Variants in CD163 observed in about 807,000 individuals in gnomAD.
The protein encoded by CD163 is CD163 molecule, also known as scavenger receptor cysteine-rich type 1 protein M130.
A neutral mutation model predicts 129.2 loss-of-function variants in CD163; 64 were observed. The observed-to-expected ratio is 0.50, with a 90% confidence interval of 0.41 to 0.61. CD163 has a LOEUF of 0.61. CD163 is among the 20% of genes least tolerant of loss of function. The pLI is 0.00. For missense variants in CD163, 1,061 were observed against 1,377.9 expected, an observed-to-expected ratio of 0.77 and a Z score of 3.64; for synonymous variants, 446 against 478.5, an observed-to-expected ratio of 0.93 and a Z score of 0.89.
chr12:7,488,144 T>C (rs1949282739), intron 6 of CD163, 57 bp from the exon 7 acceptor site: 4 of 1,493,686 alleles, frequency 2.7e-6, no homozygotes, highest in Non-Finnish European at 3.6e-6. Flanking sequence ...TTTCCATTCA[T>C]GATGAGGGTG....
At chr12:7,503,476 C>T (rs1949520952) in intron 1 of CD163, among the ~76,000 whole-genome samples, 169 bp downstream of exon 1, 1 of 152,190 alleles carries the variant, frequency 6.6e-6, no homozygotes, top group South Asian at 2.1e-4. Flanking sequence ...CATATCACAT[C>T]TTCAATTTTG....
rs1183948192 is a variant in CD163, at chr12:7,487,455, A to AGTGAAAC, written c.1947_1953dup (p.Cys652ValfsTer7). 3 of 1,614,186 alleles carry AGTGAAAC rather than the reference A, an allele frequency of 1.9e-6. No homozygotes were observed. The Admixed American group carries it at 5.0e-5, about 27-fold the overall frequency. On this transcript the variant is annotated frameshift_variant, in exon 8 of 17. Transcript: ENST00000432237. LOFTEE classifies it high-confidence loss of function. This position sits in a 1 kb window ranked among gnomAD's most constrained non-coding sequence, Gnocchi z 5.1. ...CCCATGTGCTGCTCAGTCCCAGTGCAGTGAAACATATGCCTCCAGATCTGA... is the reference window on the plus strand; with the variant it reads ...CCCATGTGCTGCTCAGTCCCAGTGCAGTGAAACGTGAAACATATGCCTCCAGATCTGA...
intron 16 of CD163, among the ~76,000 whole-genome samples, chr12:7,475,097 C>CAAAAAAAAAAAAAAAAAAAAAAAA (rs58901449): frequency 2.1e-5 from 2 of 94,018 alleles, no homozygotes; most frequent in African/African-American, 8.9e-5. Flanking sequence ...GCCTACCAAC[C>CAAAAAAAAAAAAAAAAAAAAAAAA]AAAAAAAAAA....
At chr12:7,494,825 A>C (rs1337770688) in intron 6 of CD163, among the ~76,000 whole-genome samples, 2 of 152,206 alleles carry the variant, frequency 1.3e-5, no homozygotes. Context: ...TATTTTTTAA[A>C]TTTTAATCCT....
intron 6 of CD163, 46 bp from the exon 7 acceptor site, chr12:7,488,133 A>G (rs767879356): frequency 6.6e-7 from 1 of 1,511,836 alleles, no homozygotes; most frequent in South Asian, 1.3e-5. Flanking sequence ...TGATTTCCAG[A>G]TTTCCATTCA....
rs138770704 is a variant in CD163, at chr12:7,488,576, C to T, written c.1421-489G>A. ...TTTGACGTCTGTTACGTTTGGTATA[C>T]GTGACCCTTCTTGTCCCATTTTCTC... On this transcript the variant is annotated intron_variant, in intron 6 of 16. Transcript: ENST00000432237. 7.0e-3 allele frequency among the ~76,000 whole-genome samples: 1,070 copies of T among 152,224 alleles called. 11 individuals carry two copies. Among genetic ancestry groups the T allele is most frequent in the African/African-American group, 0.024 (993 of 41,534 alleles).
At chr12:7,472,054 C>T (rs965449532) in intron 16 of CD163, 2 of 152,476 alleles carry the variant, frequency 1.3e-5, no homozygotes, top group South Asian at 2.1e-4. Context: ...AGCAGCCCCC[C>T]TCAGGGGCTT....
chr12:7,488,139 A>G, intron 6 of CD163, 52 bp from the exon 7 acceptor site: 2 of 1,503,284 alleles, frequency 1.3e-6, no homozygotes, highest in Non-Finnish European at 1.8e-6. Context: ...CCAGATTTCC[A>G]TTCATGATGA....
chr12:7,471,476 A>T (rs1949002106), intron 16 of CD163, 79 bp from the exon 17 acceptor site: 1 of 152,148 alleles, frequency 6.6e-6, no homozygotes, highest in Non-Finnish European at 1.5e-5. Context: ...ACAAAGAGAA[A>T]CTCACTTATG....
chr12:7,475,241 G>A lies in CD163; in HGVS notation c.*32-3844C>T, dbSNP rs372255118. Reference sequence around the variant, plus strand: ...GACTCCTCCCTAACTCATTTTATGAGGTCAGCATCATCCTGACACCAAAAC... The same window carrying A: ...GACTCCTCCCTAACTCATTTTATGAAGTCAGCATCATCCTGACACCAAAAC... On this transcript the variant is annotated intron_variant, in intron 16 of 16. Transcript: ENST00000432237. 2.5e-4 allele frequency among the ~76,000 whole-genome samples: 38 copies of A among 152,100 alleles called. No individual in the cohort carries two copies. In the South Asian group the frequency reaches 7.7e-3, roughly 31 times the overall value.
intron 14 of CD163, 26 bp downstream of exon 14, chr12:7,482,617 T>C (rs1591996176): frequency 6.2e-7 from 1 of 1,613,510 alleles, no homozygotes; most frequent in East Asian, 2.2e-5. Context: ...TGTAGACATA[T>C]TAGATAAACC....
In CD163 at chr12:7,485,472, C is replaced by T. The variant is rs976551244; in HGVS notation, c.2459-56G>A. 2 of 1,397,664 alleles carry T rather than the reference C, an allele frequency of 1.4e-6. No homozygotes were observed. Among genetic ancestry groups the T allele is most frequent in the East Asian group, 2.3e-5 (1 of 43,606 alleles). The allele number at this position is 1,397,664 out of a possible 1,614,324, so 86.6% of individuals were successfully genotyped here. A position where few individuals can be genotyped will look rare whatever the true frequency, so the allele number is the denominator to read the frequency against. On this transcript the variant is annotated intron_variant, in intron 10 of 16. Transcript: ENST00000432237. This position sits in a 1 kb window ranked among gnomAD's most constrained non-coding sequence, Gnocchi z 4.5. ...CATCTTTTCTGAAGATTCAGAGACT[C>T]CTTCCCTTTACCTTGATGTAAGAAT...
rs1309223227 is a variant in CD163 at position 7,497,149 on chromosome 12, A to G, written c.779-16T>C. 11 of 1,601,906 alleles carry G rather than the reference A, an allele frequency of 6.9e-6. No homozygotes were observed. Among genetic ancestry groups the G allele is most frequent in the Non-Finnish European group, 9.4e-6 (11 of 1,173,772 alleles). On this transcript the variant is annotated splice_polypyrimidine_tract_variant and intron_variant, in intron 4 of 16. Coordinates refer to ENST00000432237, the MANE Select transcript of CD163 (RefSeq NM_203416.4). The stretch of plus-strand genomic sequence containing the variant: ...TCTGCTCCCTCTGTAACAGAGACAC[A>G]CAACAGGTCTGCGATAAGGAAGCAA...
intron 16 of CD163, among the ~76,000 whole-genome samples, chr12:7,477,139 G>A (rs187014886): frequency 7.9e-5 from 12 of 152,286 alleles, no homozygotes; most frequent in African/African-American, 2.9e-4. Context: ...CAGTGTTGGT[G>A]GGAGTGTAAA....
In CD163 at chr12:7,497,161, C is replaced by T. The variant is rs369857879; in HGVS notation, c.779-28G>A. On this transcript the variant is annotated intron_variant, in intron 4 of 16. Coordinates refer to ENST00000432237, the MANE Select transcript of CD163 (RefSeq NM_203416.4). The stretch of plus-strand genomic sequence containing the variant: ...GTAACAGAGACACACAACAGGTCTG[C>T]GATAAGGAAGCAAGAACATGAGACT... 402 of 1,577,044 alleles carry T rather than the reference C, an allele frequency of 2.5e-4. 1 individual carries two copies. Among genetic ancestry groups the T allele is most frequent in the Non-Finnish European group, 3.1e-4 (362 of 1,156,790 alleles).
intron 11 of CD163, among the ~76,000 whole-genome samples, chr12:7,484,639 C>G (rs371414716): frequency 9.9e-6 from 1 of 100,518 alleles, no homozygotes; most frequent in Non-Finnish European, 1.9e-5. Flanking sequence ...AACTCTGTCT[C>G]AAAAAAAAAA....
Sources: gnomAD v4.1 joint callset for allele counts (sites outside exome capture counted in the v4.1 genomes callset) on GRCh38, gnomAD v4.1.1 for gene constraint, Gnocchi (gnomAD v3.1) non-coding constraint, MANE v1.5 for transcripts, NCBI Gene and HGNC (gene_info 2026-07-23, HGNC 2026-07-21) for gene names.